Variants in VDR observed in about 807,000 individuals in gnomAD.
VDR encodes vitamin D receptor.
A neutral mutation model predicts 39.7 loss-of-function variants in VDR; 19 were observed. That is an observed-to-expected ratio of 0.48 (90% CI 0.33 to 0.70). The LOEUF is 0.70. Ranked by LOEUF, VDR falls within the 30% of genes least tolerant of loss-of-function variation. VDR has a pLI of 0.02. For synonymous variants in VDR, 242 were observed against 215.8 expected (o/e 1.12, Z -1.07); for missense variants, 442 against 570.5 (o/e 0.77, Z 2.29).
At chr12:47,855,835 A>G (rs1369404370) in intron 6 of VDR, 34 bp from the exon 7 acceptor site, 1 of 1,611,914 alleles carries the variant, frequency 6.2e-7, no homozygotes, top group South Asian at 1.1e-5. Context: ...GGAGCTATTT[A>G]AGGATACTTG....
intron 2 of VDR, 71 bp downstream of exon 2, chr12:47,882,623 G>GCCCCCCCCCCCC: frequency 1.1e-5 from 6 of 543,278 alleles, no homozygotes; most frequent in South Asian, 1.8e-5. Context: ...ACCTTCTTAT[G>GCCCCCCCCCCCC]CCCCTCCCCC....
At chr12:47,879,887 G>A (rs1274028396) in intron 2 of VDR, among the ~76,000 whole-genome samples, 1 of 152,146 alleles carries the variant, frequency 6.6e-6, no homozygotes, top group Non-Finnish European at 1.5e-5. Context: ...ATCATCTAGA[G>A]ATGGATTTCA....
At chr12:47,901,821 C>T (rs1040622934) in intron 1 of VDR, among the ~76,000 whole-genome samples, 1 of 152,158 alleles carries the variant, frequency 6.6e-6, no homozygotes, top group Admixed American at 6.5e-5. Context: ...ACCTTCCTGT[C>T]CCTGTCTGAG....
At chr12:47,884,998 G>A (rs1469062970) in intron 1 of VDR, among the ~76,000 whole-genome samples, 1 of 152,112 alleles carries the variant, frequency 6.6e-6, no homozygotes, top group African/African-American at 2.4e-5. Context: ...GGAAAGTGGG[G>A]CAAAGACATA....
At chr12:47,877,429 C>A (rs941215580) in intron 3 of VDR, among the ~76,000 whole-genome samples, 6 of 152,150 alleles carry the variant, frequency 3.9e-5, no homozygotes, top group Middle Eastern at 3.2e-3. Flanking sequence ...CTCAGATTAA[C>A]ACTATGTAGC....
At chr12:47,866,259 C>G (rs991531505) in intron 3 of VDR, among the ~76,000 whole-genome samples, 5 of 151,868 alleles carry the variant, frequency 3.3e-5, no homozygotes, top group Admixed American at 6.6e-5. Flanking sequence ...AGGCGCCCAC[C>G]ACCGCACCCG....
chr12:47,904,655 G>A, intron 1 of VDR: 1 of 1,533,146 alleles, frequency 6.5e-7, no homozygotes, highest in South Asian at 1.2e-5. Flanking sequence ...ACAGAAGAAG[G>A]AAACAAATAC....
At chr12:47,900,862 C>G (rs759887847) in intron 1 of VDR, among the ~76,000 whole-genome samples, 1 of 152,224 alleles carries the variant, frequency 6.6e-6, no homozygotes, top group Non-Finnish European at 1.5e-5. Flanking sequence ...TGCCCACACC[C>G]TGCTTAGGAC....
At chr12:47,859,062 C>T (rs1945554276) in intron 4 of VDR, among the ~76,000 whole-genome samples, 1 of 152,208 alleles carries the variant, frequency 6.6e-6, no homozygotes, top group African/African-American at 2.4e-5. Context: ...TGGGTGTCTG[C>T]ACAGACCCTA....
chr12:47,870,521 T>A (rs915501327), intron 3 of VDR, among the ~76,000 whole-genome samples: 2 of 152,170 alleles, frequency 1.3e-5, no homozygotes, highest in African/African-American at 4.8e-5. Context: ...ATGCAGTTTC[T>A]AGAAAGCCAG....
chr12:47,887,338 A>AG (rs1413748389), intron 1 of VDR, among the ~76,000 whole-genome samples: 1 of 151,278 alleles, frequency 6.6e-6, no homozygotes, highest in African/African-American at 2.4e-5. Context: ...AAAAAAAAAA[A>AG]AAACAAAGGA....
At chr12:47,895,608 A>G (rs945755328) in intron 1 of VDR, among the ~76,000 whole-genome samples, 4 of 151,452 alleles carry the variant, frequency 2.6e-5, no homozygotes, top group African/African-American at 9.7e-5. Flanking sequence ...GTTACCTGTT[A>G]AAAAAAAACT....
chr12:47,854,209 C>A (rs749906071), intron 7 of VDR, among the ~76,000 whole-genome samples: 1 of 152,050 alleles, frequency 6.6e-6, no homozygotes, highest in Non-Finnish European at 1.5e-5. Context: ...GTAGCCTTGA[C>A]CTCCTGGGCT....
At position 47,851,727 on chromosome 12, in the gene VDR, A is replaced by T. The variant is rs570466941; in HGVS notation, c.755+3903T>A. 4.6e-5 allele frequency among the ~76,000 whole-genome samples: 7 copies of T among 152,304 alleles called. No homozygotes were observed. The South Asian group carries it at 1.2e-3, about 27-fold the overall frequency. ...CTGTCCAGTCACAGAGAGCGTCCAT[A>T]CCAGTGTCCCTGCAAGCTCTCTTAG... is the stretch of plus-strand genomic sequence containing the variant. On this transcript the variant is annotated intron_variant, in intron 7 of 9. Transcript: ENST00000549336.
Position 47,857,584 on chromosome 12 carries a change from G to A in VDR, c.382C>T (p.Gln128Ter). 1 of 1,614,230 alleles carries A rather than the reference G, an allele frequency of 6.2e-7. No individual in the cohort carries two copies. The highest frequency in any genetic ancestry group is 8.5e-7 in the Non-Finnish European group (1 of 1,180,046). Residue 128 changes from glutamine (Q) to a stop codon, truncating the protein, a stop_gained, in exon 5 of 10, where the codon CAG becomes TAG. Transcript: ENST00000549336. LOFTEE classifies it high-confidence loss of function. ...DSLRPKLSEE[Q>*]QRIIAILLDA... ...AGCAGTATGGCAATGATGCGCTGCT[G>A]CTCCTCAGACAGCTTGGGCCGCAGA... is the stretch of plus-strand genomic sequence containing the variant.
At chr12:47,863,230 C>G (rs2137161190) in intron 4 of VDR, among the ~76,000 whole-genome samples, 2 of 152,298 alleles carry the variant, frequency 1.3e-5, no homozygotes, top group East Asian at 3.9e-4. Flanking sequence ...TGATTCTAGT[C>G]CCAGCTTGGC....
rs952909741 is a variant in VDR, at chr12:47,847,698, G to A, written c.756-890C>T. Among the ~76,000 whole-genome samples the A allele has an allele frequency of 3.3e-5, 5 of 151,480 alleles. No homozygotes were observed. In the South Asian group the frequency reaches 8.4e-4, roughly 25 times the overall value. ...AGTGAGTCTCCCACCTCAGCCTTCC[G>A]AATAGCTAAGACTACAAGCATGCGC... On this transcript the variant is annotated intron_variant, in intron 7 of 9. Transcript: ENST00000549336.
At chr12:47,859,845 CCTTCCTTCCTTCCTTCCTTCTTT>C (rs1231168855) in intron 4 of VDR, among the ~76,000 whole-genome samples, 4 of 73,952 alleles carry the variant, frequency 5.4e-5, no homozygotes, top group East Asian at 6.1e-4. Flanking sequence ...CCTTTCCCTT[CCTTCCTTCCTTCCTTCCTTCTTT>C]CCTTCCTTCC....
intron 1 of VDR, among the ~76,000 whole-genome samples, chr12:47,883,514 C>T (rs1259527911): frequency 6.6e-6 from 1 of 152,246 alleles, no homozygotes; most frequent in Admixed American, 6.5e-5. Context: ...TGGATCTTAG[C>T]AGCTGGCTGG....
Sources: allele counts gnomAD v4.1 joint callset (sites outside exome capture counted in the v4.1 genomes callset), GRCh38; gene constraint gnomAD v4.1.1; transcripts MANE v1.5; gene names NCBI Gene and HGNC (gene_info 2026-07-23, HGNC 2026-07-21).